CIMIP6: variants seen among roughly 807,000 people sequenced by gnomAD.
CIMIP6 encodes uncharacterized protein C2orf73.
the CIMIP6 span, chr2:54,335,030 A>G: frequency 6.3e-7 from 1 of 1,580,378 alleles, no homozygotes; most frequent in Admixed American, 1.8e-5. Context: ...TACAGGTTGG[A>G]CAGATGTTCA....
the CIMIP6 span, among the ~76,000 whole-genome samples, chr2:54,342,916 G>C: frequency 1.3e-5 from 2 of 152,068 alleles, no homozygotes; most frequent in Non-Finnish European, 2.9e-5. Context: ...AAAATATTTG[G>C]TCAGAATTAA....
the CIMIP6 span, among the ~76,000 whole-genome samples, chr2:54,337,793 T>C: frequency 1.3e-5 from 2 of 152,196 alleles, no homozygotes; most frequent in Middle Eastern, 3.4e-3. Flanking sequence ...GAGTTTGAGA[T>C]GAAATAAGAG....
the CIMIP6 span, among the ~76,000 whole-genome samples, chr2:54,342,097 A>G: frequency 3.3e-5 from 5 of 152,316 alleles, no homozygotes; most frequent in East Asian, 9.6e-4. Context: ...CCCCAGTTAC[A>G]ATTACCAATT....
the CIMIP6 span, among the ~76,000 whole-genome samples, chr2:54,368,946 A>C: frequency 1.5e-4 from 23 of 152,162 alleles, no homozygotes; most frequent in Non-Finnish European, 1.5e-5. Context: ...GTAATAAACC[A>C]TAATAATGTA....
the CIMIP6 span, among the ~76,000 whole-genome samples, chr2:54,364,430 G>T: frequency 6.6e-6 from 1 of 152,154 alleles, no homozygotes; most frequent in East Asian, 1.9e-4. Flanking sequence ...GCTATTAATA[G>T]CATAAATTTG....
At chr2:54,380,400 C>A in the CIMIP6 span, among the ~76,000 whole-genome samples, 2 of 152,130 alleles carry the variant, frequency 1.3e-5, no homozygotes, top group Non-Finnish European at 2.9e-5. Flanking sequence ...CATCCCCCAA[C>A]CCCCCTGCAC....
the CIMIP6 span, among the ~76,000 whole-genome samples, chr2:54,347,814 C>T: frequency 6.6e-6 from 1 of 152,142 alleles, no homozygotes; most frequent in East Asian, 1.9e-4. Context: ...TGTGATGCCT[C>T]CCGATTCCCA....
the CIMIP6 span, among the ~76,000 whole-genome samples, chr2:54,368,745 C>T: frequency 2.7e-3 from 411 of 152,262 alleles, 3 homozygotes; most frequent in African/African-American, 9.5e-3. Flanking sequence ...ACTCTGGACA[C>T]CAAGGCTCAG....
the CIMIP6 span, among the ~76,000 whole-genome samples, chr2:54,376,992 C>G: frequency 2.6e-5 from 4 of 152,196 alleles, no homozygotes; most frequent in East Asian, 1.9e-4. Flanking sequence ...TTCTGAAGAA[C>G]AGTCTTTACT....
At chr2:54,333,503 C>T in the CIMIP6 span, among the ~76,000 whole-genome samples, 2 of 152,116 alleles carry the variant, frequency 1.3e-5, no homozygotes, top group Non-Finnish European at 2.9e-5. Context: ...CGAAGAGGTT[C>T]ACTGGGGCAA....
At chr2:54,343,943 A>G in the CIMIP6 span, 1 of 1,327,216 alleles carries the variant, frequency 7.5e-7, no homozygotes, top group Non-Finnish European at 1.0e-6. Context: ...AAGATGTATT[A>G]GATGTCCGGA....
chr2:54,360,244 T>C, the CIMIP6 span: 6 of 1,607,340 alleles, frequency 3.7e-6, no homozygotes, highest in Non-Finnish European at 5.1e-6. Context: ...AACCAGGCAG[T>C]AGGCCAACAG....
the CIMIP6 span, among the ~76,000 whole-genome samples, chr2:54,342,578 C>T: frequency 1.3e-5 from 2 of 148,722 alleles, no homozygotes; most frequent in Admixed American, 1.3e-4. Flanking sequence ...AAACTAAGCT[C>T]ATTTGAGAGC....
the CIMIP6 span, among the ~76,000 whole-genome samples, chr2:54,347,739 T>G: frequency 6.6e-6 from 1 of 151,608 alleles, no homozygotes; most frequent in African/African-American, 2.4e-5. Flanking sequence ...AATCCAGGAG[T>G]CCCATAAGCA....
At chr2:54,361,072 A>G in the CIMIP6 span, 2 of 152,296 alleles carry the variant, frequency 1.3e-5, no homozygotes, top group African/African-American at 2.4e-5. Context: ...TCATATCATC[A>G]CTGCTACTAT....
At chr2:54,333,871 A>C in the CIMIP6 span, among the ~76,000 whole-genome samples, 1 of 152,146 alleles carries the variant, frequency 6.6e-6, no homozygotes, top group African/African-American at 2.4e-5. Context: ...CCTGCCTGGG[A>C]CAGAGTAAGA....
chr2:54,355,861 G>A, the CIMIP6 span, among the ~76,000 whole-genome samples: 2 of 151,906 alleles, frequency 1.3e-5, no homozygotes, highest in South Asian at 2.1e-4. Flanking sequence ...TGGTATATTG[G>A]TTCTGATAAT....
At chr2:54,368,644 A>C in the CIMIP6 span, among the ~76,000 whole-genome samples, 1 of 152,228 alleles carries the variant, frequency 6.6e-6, no homozygotes, top group African/African-American at 2.4e-5. Flanking sequence ...GTCTTGGGCC[A>C]CATGGCATCT....
At chr2:54,369,107 C>A in the CIMIP6 span, among the ~76,000 whole-genome samples, 1 of 152,134 alleles carries the variant, frequency 6.6e-6, no homozygotes, top group South Asian at 2.1e-4. Flanking sequence ...GCAGCCATCA[C>A]ACTGGGTCAC....
Sources: gnomAD v4.1 joint callset for allele counts (sites outside exome capture counted in the v4.1 genomes callset) on GRCh38, gnomAD v4.1.1 for gene constraint, MANE v1.5 for transcripts, NCBI Gene and HGNC (gene_info 2026-07-23, HGNC 2026-07-21) for gene names.